Variants in TBCE observed in about 807,000 individuals in gnomAD.
The protein encoded by TBCE is tubulin-specific chaperone E.
In TBCE, 53 loss-of-function variants were observed where a neutral mutation model predicts 77.0. The ratio of observed to expected loss-of-function variants is 0.69; its 90% confidence interval spans 0.55 to 0.87. TBCE has a LOEUF of 0.87. Ranked by LOEUF, TBCE falls within the 40% of genes least tolerant of loss-of-function variation. The pLI is 0.00. For synonymous variants in TBCE, 235 were observed against 241.3 expected, an observed-to-expected ratio of 0.97 and a Z score of 0.24; for missense variants, 624 against 622.4, an observed-to-expected ratio of 1.00 and a Z score of -0.03.
chr1:235,406,513 GA>G (rs1679439050), intron 3 of TBCE, among the ~76,000 whole-genome samples: 1 of 152,142 alleles, frequency 6.6e-6, no homozygotes, highest in Admixed American at 6.6e-5. Flanking sequence ...AAAGAACAAA[GA>G]ACAAAGAGAA....
Position 235,434,024 on chromosome 1 carries a change from A to C in TBCE, c.661-180A>C, listed in dbSNP as rs535554871. On this transcript the variant is annotated intron_variant, in intron 7 of 16. Transcript: ENST00000642610. ...CCACAGCATTAAAATGCACCCCCTTAACATTTTATTTATCACCCCCCACCA... is the reference window on the plus strand; with the variant it reads ...CCACAGCATTAAAATGCACCCCCTTCACATTTTATTTATCACCCCCCACCA... 453 of 610,854 alleles carry C rather than the reference A, an allele frequency of 7.4e-4. 1 individual carries two copies. The highest frequency in any genetic ancestry group is 7.3e-3 in the African/African-American group (400 of 54,510). 37.8% of individuals were successfully genotyped at this position (610,854 alleles called of 1,614,324 possible).
At chr1:235,432,674 G>C (rs1446154931) in intron 7 of TBCE, among the ~76,000 whole-genome samples, 4 of 152,038 alleles carry the variant, frequency 2.6e-5, no homozygotes, top group Admixed American at 2.0e-4. Flanking sequence ...AGGGCACACA[G>C]AAATTGAAGT....
intron 13 of TBCE, chr1:235,441,125 A>G (rs1276180020): frequency 3.3e-5 from 5 of 152,928 alleles, no homozygotes; most frequent in Non-Finnish European, 7.3e-5. Flanking sequence ...GCAAGGGAAG[A>G]TGTGAAGCAG....
Position 235,439,903 on chromosome 1 carries a change from G to A in TBCE, c.1270+981G>A, listed in dbSNP as rs146323991. The stretch of plus-strand genomic sequence containing the variant: ...TGCAACCTCCACCTCCTGGGTTCAA[G>A]TGATTCTCCTCCCTCAGCTTCCAGA... On this transcript the variant is annotated intron_variant, in intron 13 of 16. Coordinates refer to ENST00000642610, the MANE Select transcript of TBCE (RefSeq NM_003193.5). Among the ~76,000 whole-genome samples, 1,109 of 152,200 alleles carry A rather than the reference G, an allele frequency of 7.3e-3. 10 individuals carry two copies. The highest frequency in any genetic ancestry group is 0.026 in the African/African-American group (1,068 of 41,528).
intron 2 of TBCE, among the ~76,000 whole-genome samples, chr1:235,382,354 G>C (rs12032440): frequency 0.55 from 84,090 of 151,706 alleles, 23,456 homozygotes; most frequent in East Asian, 0.62. Flanking sequence ...TGGGTCAAAT[G>C]GTATTTCTAG....
At chr1:235,394,264 CGG>C (rs953143171) in intron 2 of TBCE, among the ~76,000 whole-genome samples, 1 of 151,746 alleles carries the variant, frequency 6.6e-6, no homozygotes, top group African/African-American at 2.4e-5. Flanking sequence ...TTAGTAGAGA[CGG>C]GGTTTCACCG....
At position 235,437,372 on chromosome 1, in the gene TBCE, C is replaced by T. The variant is rs749871450; in HGVS notation, c.1014C>T (p.Ser338=). Residue 338 remains serine (S), a synonymous_variant, in exon 12 of 17, where the codon TCC becomes TCT. Coordinates refer to ENST00000642610, the MANE Select transcript of TBCE (RefSeq NM_003193.5). ...AGTTACCAAGTCTACGGGCTTTGTC[C>T]TGCCTAAGAAACCCCCTGACCAAAG... ...LEKLPSLRAL[S]CLRNPLTKED... is the part of the protein sequence containing the mutation. The T allele has an allele frequency of 2.5e-6, 4 of 1,614,058 alleles. No individual in the cohort carries two copies. The Admixed American group carries it at 5.0e-5, about 20-fold the overall frequency.
chr1:235,371,247 G>C lies in TBCE; in HGVS notation c.-32+3743G>C, dbSNP rs543940220. Among the ~76,000 whole-genome samples, 12 of 150,872 alleles carry C rather than the reference G, an allele frequency of 8.0e-5. No individual in the cohort carries two copies. The East Asian group carries it at 2.3e-3, about 29-fold the overall frequency. ...AATTTTGTATTTTTAGTAGAGATGG[G>C]GTTTCTCCATGTTGGTCAGGCTGGT... On this transcript the variant is annotated intron_variant, in intron 1 of 16. Coordinates refer to ENST00000642610, the MANE Select transcript of TBCE (RefSeq NM_003193.5).
chr1:235,402,908 G>T (rs1679200487), intron 3 of TBCE, among the ~76,000 whole-genome samples: 1 of 152,166 alleles, frequency 6.6e-6, no homozygotes, highest in South Asian at 2.1e-4. Flanking sequence ...TGGGATTACA[G>T]ATGTGAGCCA....
At chr1:235,426,123 T>C (rs1182628784) in intron 5 of TBCE, among the ~76,000 whole-genome samples, 1 of 152,208 alleles carries the variant, frequency 6.6e-6, no homozygotes, top group Non-Finnish European at 1.5e-5. Context: ...GCTCCTCCAG[T>C]AGCTGGCCCG....
intron 4 of TBCE, chr1:235,415,442 C>T (rs1377473838): frequency 6.6e-6 from 1 of 152,192 alleles, no homozygotes; most frequent in East Asian, 1.9e-4. Context: ...CATGGCTGCA[C>T]AAGAACTGGC....
intron 2 of TBCE, among the ~76,000 whole-genome samples, chr1:235,393,620 T>C (rs924214472): frequency 5.3e-5 from 8 of 152,252 alleles, no homozygotes; most frequent in South Asian, 2.1e-4. Flanking sequence ...TTTTTTTTCA[T>C]TTACTGTATT....
intron 2 of TBCE, among the ~76,000 whole-genome samples, chr1:235,390,097 G>T (rs950806801): frequency 6.6e-6 from 1 of 151,630 alleles, no homozygotes; most frequent in African/African-American, 2.4e-5. Context: ...CTCCATTCCA[G>T]CCTGGGTGAC....
intron 3 of TBCE, among the ~76,000 whole-genome samples, chr1:235,401,980 A>T (rs1186883155): frequency 2.0e-5 from 3 of 151,990 alleles, no homozygotes; most frequent in Non-Finnish European, 4.4e-5. Context: ...CAAAATACAG[A>T]ACATCTGAAT....
intron 7 of TBCE, 181 bp from the exon 8 acceptor site, chr1:235,434,023 T>G: frequency 1.1e-4 from 65 of 602,622 alleles, no homozygotes; most frequent in Middle Eastern, 3.7e-4. Flanking sequence ...TGCACCCCCT[T>G]AACATTTTAT....
chr1:235,400,866 G>C (rs1390442559), intron 2 of TBCE, among the ~76,000 whole-genome samples: 4 of 151,782 alleles, frequency 2.6e-5, no homozygotes, highest in Admixed American at 2.6e-4. Flanking sequence ...GGCTAATTTT[G>C]TATTTTTAGT....
Position 235,374,911 on chromosome 1 carries a change from T to C in TBCE, c.-31-5108T>C, listed in dbSNP as rs943033727. 1.4e-5 allele frequency among the ~76,000 whole-genome samples: 2 copies of C among 138,036 alleles called. 1 individual carries two copies. The highest frequency in any genetic ancestry group is 5.9e-5 in the African/African-American group (2 of 33,814). The allele number at this position is 138,036 out of a possible 152,430, so 90.6% of individuals were successfully genotyped here. On this transcript the variant is annotated intron_variant, in intron 1 of 16. Coordinates refer to ENST00000642610, the MANE Select transcript of TBCE (RefSeq NM_003193.5). ...TGAAAATGATAGAGATGTAGATTTC[T>C]TTTTTTTTCTTTTTTTTTTTTTTTT...
chr1:235,443,183 C>CATATAT (rs202164530), intron 15 of TBCE, among the ~76,000 whole-genome samples: 53 of 145,258 alleles, frequency 3.6e-4, no homozygotes, highest in African/African-American at 1.2e-3. Flanking sequence ...CACACACACA[C>CATATAT]ACATATATAT....
At position 235,435,760 on chromosome 1, in the gene TBCE, C is replaced by G. The variant is rs1231669534; in HGVS notation, c.753C>G (p.Leu251=). ...IFISERPTDV[L]QTVKLLDLSS... ...TTCCATACAGGCCAACAGATGTTCT[C>G]CAGACAGTCAAGTTATTAGATCTTT... Residue 251 remains leucine, a synonymous_variant, in exon 9 of 17, where the codon CTC becomes CTG. Coordinates refer to ENST00000642610, the MANE Select transcript of TBCE (RefSeq NM_003193.5). 3.1e-6 allele frequency: 5 copies of G among 1,613,978 alleles called. No individual in the cohort carries two copies. The highest frequency in any genetic ancestry group is 1.3e-5 in the African/African-American group (1 of 74,916).
Sources: gnomAD v4.1 joint callset for allele counts (sites outside exome capture counted in the v4.1 genomes callset) on GRCh38, gnomAD v4.1.1 for gene constraint, MANE v1.5 for transcripts, NCBI Gene and HGNC (gene_info 2026-07-23, HGNC 2026-07-21) for gene names.